Variants in CRTC3 observed in about 807,000 individuals in gnomAD.
The protein encoded by CRTC3 is CREB-regulated transcription coactivator 3.
Under a neutral mutation model 74.5 loss-of-function variants are expected in CRTC3, and 26 were observed. That is an observed-to-expected ratio of 0.35 (90% CI 0.26 to 0.48). The LOEUF (loss-of-function observed/expected upper bound fraction) is 0.48. CRTC3 is among the 20% of genes least tolerant of loss of function. The probability of loss-of-function intolerance (pLI) is 0.99; values close to 1 mark genes in which losing one functional copy is unlikely to be tolerated. For synonymous variants in CRTC3, 377 were observed against 325.8 expected (o/e 1.16, Z -1.69); for missense variants, 760 against 787.3 (o/e 0.97, Z 0.41).
chr15:90,599,741 A>G (rs865774588), intron 3 of CRTC3, among the ~76,000 whole-genome samples: 13 of 152,250 alleles, frequency 8.5e-5, no homozygotes, highest in Non-Finnish European at 1.5e-4. Flanking sequence ...ACACCTCAAC[A>G]TTGAAATCAC....
At chr15:90,590,844 G>A (rs1286391403) in intron 2 of CRTC3, among the ~76,000 whole-genome samples, 1 of 152,234 alleles carries the variant, frequency 6.6e-6, no homozygotes, top group Non-Finnish European at 1.5e-5. Flanking sequence ...AATATCAAAT[G>A]TAAGCAGAGA....
intron 3 of CRTC3, among the ~76,000 whole-genome samples, 166 bp from the exon 4 acceptor site, chr15:90,602,158 T>C (rs569954961): frequency 5.3e-4 from 80 of 152,228 alleles, no homozygotes; most frequent in African/African-American, 1.9e-3. Context: ...GACAGCAGAA[T>C]AGACTTGTCC....
intron 7 of CRTC3, among the ~76,000 whole-genome samples, chr15:90,617,414 A>G (rs1161440780): frequency 6.6e-6 from 1 of 152,260 alleles, no homozygotes; most frequent in Non-Finnish European, 1.5e-5. Context: ...TAGACAGTCC[A>G]TAAATGAGTC....
chr15:90,535,286 A>G (rs550043979), intron 1 of CRTC3, among the ~76,000 whole-genome samples: 1 of 152,312 alleles, frequency 6.6e-6, no homozygotes, highest in African/African-American at 2.4e-5. Flanking sequence ...AAGAGCAACC[A>G]GAGGGGCAGG....
intron 6 of CRTC3, among the ~76,000 whole-genome samples, chr15:90,609,414 TA>T (rs1173340607): frequency 2.0e-5 from 3 of 152,208 alleles, no homozygotes; most frequent in Non-Finnish European, 4.4e-5. Flanking sequence ...GCAGAGGCTG[TA>T]ATCAGTGGGG....
At chr15:90,621,019 G>A (rs774385385) in intron 9 of CRTC3, among the ~76,000 whole-genome samples, 33 of 152,100 alleles carry the variant, frequency 2.2e-4, no homozygotes, top group Non-Finnish European at 4.0e-4. Flanking sequence ...TCAGAAAGTG[G>A]GCAAGCCTGC....
intron 7 of CRTC3, among the ~76,000 whole-genome samples, chr15:90,616,182 AT>A (rs753053017): frequency 7.2e-5 from 11 of 152,196 alleles, no homozygotes; most frequent in Admixed American, 1.3e-4. Context: ...AAAGAGAGTG[AT>A]GTAAATATCA....
intron 2 of CRTC3, among the ~76,000 whole-genome samples, chr15:90,588,645 G>A (rs1312803336): frequency 3.3e-5 from 5 of 151,732 alleles, no homozygotes; most frequent in South Asian, 2.1e-4. Context: ...GCTGGGTGAC[G>A]TCAGAGGTGA....
chr15:90,541,387 TGA>T (rs1427195443), intron 2 of CRTC3, among the ~76,000 whole-genome samples: 1 of 152,220 alleles, frequency 6.6e-6, no homozygotes, highest in Non-Finnish European at 1.5e-5. Context: ...GACTTCCATT[TGA>T]GAGTGCTGAT....
intron 11 of CRTC3, among the ~76,000 whole-genome samples, chr15:90,633,555 T>C (rs1379149593): frequency 6.6e-6 from 1 of 152,192 alleles, no homozygotes; most frequent in African/African-American, 2.4e-5. Context: ...TGAGATCTTT[T>C]TGTCCCCAGT....
chr15:90,625,216 G>A (rs1305144846), intron 9 of CRTC3, among the ~76,000 whole-genome samples: 1 of 84,954 alleles, frequency 1.2e-5, no homozygotes, highest in Non-Finnish European at 2.2e-5. Context: ...CCTGACCCCG[G>A]CGGACACACT....
At chr15:90,600,397 A>T (rs2151080926) in intron 3 of CRTC3, 1 of 135,854 alleles carries the variant, frequency 7.4e-6, no homozygotes, top group African/African-American at 2.9e-5. Context: ...GCCCGAGCAG[A>T]TGGTACCTTC....
chr15:90,547,498 T>C (rs2151059786), intron 2 of CRTC3, among the ~76,000 whole-genome samples: 1 of 152,354 alleles, frequency 6.6e-6, no homozygotes, highest in Admixed American at 6.5e-5. Context: ...CAAAGTGCAT[T>C]CTTTTTTTCT....
intron 2 of CRTC3, among the ~76,000 whole-genome samples, chr15:90,544,548 T>A (rs1312326247): frequency 6.6e-6 from 1 of 152,226 alleles, no homozygotes; most frequent in African/African-American, 2.4e-5. Context: ...ATTCATCAGT[T>A]AGTTGATGGG....
chr15:90,603,266 A>AC (rs1379348489), intron 4 of CRTC3, among the ~76,000 whole-genome samples: 2 of 148,954 alleles, frequency 1.3e-5, no homozygotes, highest in Middle Eastern at 3.2e-3. Context: ...ACACGGTGAA[A>AC]CCCCGTCTCC....
At chr15:90,630,833 A>G (rs1287214853) in intron 11 of CRTC3, among the ~76,000 whole-genome samples, 1 of 12,688 alleles carries the variant, frequency 7.9e-5, no homozygotes, top group Non-Finnish European at 2.6e-4. Flanking sequence ...TGCGGACTGC[A>G]GTGGCGCAAT....
intron 4 of CRTC3, 166 bp from the exon 5 acceptor site, chr15:90,604,219 C>A: frequency 3.3e-6 from 2 of 607,510 alleles, no homozygotes; most frequent in Admixed American, 2.8e-5. Context: ...AGTCTTACCT[C>A]ATTTTAACAA....
intron 9 of CRTC3, among the ~76,000 whole-genome samples, chr15:90,621,191 T>A: frequency 6.6e-6 from 1 of 152,092 alleles, no homozygotes; most frequent in South Asian, 2.1e-4. Context: ...AAAACAAACA[T>A]TTTCCTCAAG....
At chr15:90,600,675 G>A (rs557750642) in intron 3 of CRTC3, 2 of 152,204 alleles carry the variant, frequency 1.3e-5, no homozygotes, top group African/African-American at 4.8e-5. Flanking sequence ...GTTAAATAAA[G>A]TGTGAACTCA....
Sources: gnomAD v4.1 joint callset for allele counts (sites outside exome capture counted in the v4.1 genomes callset) on GRCh38, gnomAD v4.1.1 for gene constraint, MANE v1.5 for transcripts, NCBI Gene and HGNC (gene_info 2026-07-23, HGNC 2026-07-21) for gene names.